Variants in MREG observed in about 807,000 individuals in gnomAD.
MREG encodes the protein melanoregulin, also known as dilute suppressor protein homolog.
A neutral mutation model predicts 28.5 loss-of-function variants in MREG; 31 were observed. That is an observed-to-expected ratio of 1.09 (90% CI 0.82 to 1.47). MREG has a LOEUF of 1.47. Ranked by LOEUF, MREG falls within the 40% of genes most tolerant of loss-of-function variation. MREG has a pLI of 0.00. For synonymous variants in MREG, 106 were observed against 95.2 expected (o/e 1.11, Z -0.66); for missense variants, 256 against 257.4 (o/e 0.99, Z 0.04).
At chr2:215,963,807 T>C (rs1475972000) in intron 2 of MREG, among the ~76,000 whole-genome samples, 1 of 152,142 alleles carries the variant, frequency 6.6e-6, no homozygotes, top group Non-Finnish European at 1.5e-5. Context: ...TCTTTCAGTT[T>C]ACAAAAATGC....
intron 2 of MREG, among the ~76,000 whole-genome samples, chr2:215,964,477 G>A (rs1176733426): frequency 7.8e-5 from 8 of 103,066 alleles, no homozygotes; most frequent in East Asian, 2.4e-4. Flanking sequence ...GTAAGACTCT[G>A]TCTCAAAAAA....
At position 215,944,909 on chromosome 2, in the gene MREG, G is replaced by C; in HGVS notation, c.599C>G (p.Ala200Gly). The C allele has an allele frequency of 6.2e-7, 1 of 1,608,156 alleles. No homozygotes were observed. The highest frequency in any genetic ancestry group is 8.5e-7 in the Non-Finnish European group (1 of 1,175,182). The part of the protein sequence containing the change: ...YPKKPGVPCL[A>G]DGQKELHYLP... Reference sequence around the variant, plus strand: ...GTAGTGCAGTTCTTTCTGGCCATCTGCCAGGCATGGAACCCCAGGCTTCTT... The same window carrying C: ...GTAGTGCAGTTCTTTCTGGCCATCTCCCAGGCATGGAACCCCAGGCTTCTT... The change falls in exon 5 of 5, where the codon GCA becomes GGA. Residue 200 changes from alanine to glycine, a missense_variant. By Grantham distance (60) the Ala-to-Gly change is moderately conservative. Coordinates refer to ENST00000263268, the MANE Select transcript of MREG (RefSeq NM_018000.3).
intron 1 of MREG, among the ~76,000 whole-genome samples, chr2:216,025,214 C>T (rs1694577553): frequency 6.6e-6 from 1 of 152,080 alleles, no homozygotes; most frequent in African/African-American, 2.4e-5. Context: ...AGGCAAAATC[C>T]TTAGCTGCCA....
chr2:216,023,624 G>A (rs1559202023), intron 1 of MREG, among the ~76,000 whole-genome samples: 2 of 152,238 alleles, frequency 1.3e-5, no homozygotes. Context: ...TATAAGGGAA[G>A]CAATTTAAAT....
intron 2 of MREG, among the ~76,000 whole-genome samples, chr2:215,958,715 T>G (rs1314595476): frequency 6.6e-6 from 1 of 152,220 alleles, no homozygotes; most frequent in Non-Finnish European, 1.5e-5. Flanking sequence ...GGGAAAGGGC[T>G]AAGGTATTAA....
chr2:215,974,083 T>C (rs1003446968), intron 2 of MREG, among the ~76,000 whole-genome samples: 8 of 152,170 alleles, frequency 5.3e-5, no homozygotes, highest in Admixed American at 2.0e-4. Context: ...CTCACCTAGA[T>C]TGTAATTCGA....
At chr2:216,007,397 GCAA>G (rs1318597902) in intron 1 of MREG, among the ~76,000 whole-genome samples, 1 of 140,156 alleles carries the variant, frequency 7.1e-6, no homozygotes, top group African/African-American at 2.7e-5. Flanking sequence ...TGATCACTTA[GCAA>G]CATTTTATTT....
In MREG at chr2:215,943,800, C is replaced by G. The variant is rs1692242727; in HGVS notation, c.*1063G>C. On this transcript the variant is annotated 3_prime_UTR_variant, in exon 5 of 5. Transcript: ENST00000263268. ...AGGTTGCAGTGAGCCGAGATCGCACCACTGTACTCCAGCCTGGGCGACAGA... is the reference window on the plus strand; with the variant it reads ...AGGTTGCAGTGAGCCGAGATCGCACGACTGTACTCCAGCCTGGGCGACAGA... The G allele has an allele frequency of 6.7e-6, 1 of 149,284 alleles. No individual in the cohort carries two copies. Among genetic ancestry groups the G allele is most frequent in the Admixed American group, 8.3e-5 (1 of 11,988 alleles). 9.2% of individuals were successfully genotyped at this position (149,284 alleles called of 1,614,324 possible).
chr2:215,995,618 A>T (rs1292317489), intron 2 of MREG, among the ~76,000 whole-genome samples: 1 of 150,876 alleles, frequency 6.6e-6, no homozygotes, highest in East Asian at 1.9e-4. Context: ...GTTTCTCCTC[A>T]GAGGTAGCTG....
intron 2 of MREG, among the ~76,000 whole-genome samples, chr2:215,975,008 T>TTATATATATATATATAGATATA (rs1693213339): frequency 9.4e-6 from 1 of 106,608 alleles, no homozygotes; most frequent in African/African-American, 3.2e-5. Context: ...TTTATATGAA[T>TTATATATATATATATAGATATA]TATATATATA....
At chr2:215,971,635 A>G (rs1394226989) in intron 2 of MREG, among the ~76,000 whole-genome samples, 1 of 152,250 alleles carries the variant, frequency 6.6e-6, no homozygotes. Context: ...AGAAAGGTAC[A>G]GGCAGAATAA....
chr2:215,958,335 C>T (rs1161839500), intron 2 of MREG, among the ~76,000 whole-genome samples: 1 of 151,956 alleles, frequency 6.6e-6, no homozygotes, highest in African/African-American at 2.4e-5. Flanking sequence ...CCAGCCAAGT[C>T]CTCTTCAGAG....
chr2:215,969,672 C>T (rs1693036038), intron 2 of MREG, among the ~76,000 whole-genome samples: 1 of 152,176 alleles, frequency 6.6e-6, no homozygotes, highest in African/African-American at 2.4e-5. Flanking sequence ...AGTATGTCCA[C>T]CTCCCAAGGC....
intron 2 of MREG, among the ~76,000 whole-genome samples, chr2:215,965,372 G>A (rs781282037): frequency 3.3e-5 from 5 of 152,198 alleles, no homozygotes; most frequent in Non-Finnish European, 5.9e-5. Flanking sequence ...CAGACAGGGA[G>A]CATGGCGACA....
In MREG at chr2:216,001,002, C is replaced by T. The variant is rs1221432519; in HGVS notation, c.96-4537G>A. ...CAACCTCTCTCTCTGTCTCTCTGTC[C>T]CTCCTCTCTCTAGCTGTCTCTGTCT... On this transcript the variant is annotated intron_variant, in intron 1 of 4. Transcript: ENST00000263268. Among the ~76,000 whole-genome samples the T allele has an allele frequency of 2.0e-5, 3 of 151,834 alleles. No individual in the cohort carries two copies. In the East Asian group the frequency reaches 5.8e-4, roughly 29 times the overall value.
chr2:216,004,565 A>C (rs77335123), intron 1 of MREG, among the ~76,000 whole-genome samples: 10,551 of 43,612 alleles, frequency 0.24, 557 homozygotes, highest in African/African-American at 0.45. Context: ...AAAAACAAAC[A>C]AAAAAAAAAA....
At chr2:215,986,807 G>A (rs1693584112) in intron 2 of MREG, among the ~76,000 whole-genome samples, 1 of 152,202 alleles carries the variant, frequency 6.6e-6, no homozygotes, top group Admixed American at 6.5e-5. Flanking sequence ...ATGAGGAACT[G>A]TGAATCAATT....
At chr2:215,967,839 G>C (rs1037314560) in intron 2 of MREG, among the ~76,000 whole-genome samples, 1 of 152,132 alleles carries the variant, frequency 6.6e-6, no homozygotes, top group Non-Finnish European at 1.5e-5. Context: ...GTGTCATAGT[G>C]AGTCCTAAGT....
downstream of MREG, among the ~76,000 whole-genome samples, chr2:215,942,182 A>G (rs145712727): frequency 1.3e-3 from 197 of 152,360 alleles, 2 homozygotes; most frequent in African/African-American, 4.4e-3. Context: ...AAATATTAAT[A>G]TAAAAACTTC....
Sources: gnomAD v4.1 joint callset for allele counts (sites outside exome capture counted in the v4.1 genomes callset) on GRCh38, gnomAD v4.1.1 for gene constraint, MANE v1.5 for transcripts, NCBI Gene and HGNC (gene_info 2026-07-23, HGNC 2026-07-21) for gene names.